CALN1: variants seen among roughly 807,000 people sequenced by gnomAD.
CALN1 encodes the protein calcium-binding protein 8.
In CALN1, 17 loss-of-function variants were observed where a neutral mutation model predicts 30.6. That is an observed-to-expected ratio of 0.56 (90% CI 0.38 to 0.83). The LOEUF (loss-of-function observed/expected upper bound fraction) is 0.83, where lower values mean the gene tolerates loss of function less well. CALN1 is among the 40% of genes least tolerant of loss of function. The probability of loss-of-function intolerance (pLI) is 0.00; values close to 1 mark genes in which losing one functional copy is unlikely to be tolerated. For synonymous variants in CALN1, 156 were observed against 131.4 expected (o/e 1.19, Z -1.28); for missense variants, 291 against 354.9 (o/e 0.82, Z 1.45).
chr7:72,054,499 A>G (rs1172696799), intron 4 of CALN1, among the ~76,000 whole-genome samples: 4 of 110,520 alleles, frequency 3.6e-5, no homozygotes, highest in Non-Finnish European at 6.4e-5. Flanking sequence ...ATACATATAT[A>G]CATATATATA....
intron 2 of CALN1, among the ~76,000 whole-genome samples, chr7:72,391,125 G>A (rs1046006618): frequency 6.6e-6 from 1 of 152,124 alleles, no homozygotes; most frequent in Non-Finnish European, 1.5e-5. Flanking sequence ...AGAGGATGGA[G>A]TAAAACAAAT....
chr7:72,116,550 G>T (rs1807996582), intron 3 of CALN1, among the ~76,000 whole-genome samples: 1 of 152,168 alleles, frequency 6.6e-6, no homozygotes, highest in African/African-American at 2.4e-5. Context: ...AGCAGGAGGG[G>T]ACTGAGCTGG....
At chr7:72,431,193 G>C (rs1412748691) in intron 1 of CALN1, among the ~76,000 whole-genome samples, 1 of 151,992 alleles carries the variant, frequency 6.6e-6, no homozygotes, top group Non-Finnish European at 1.5e-5. Flanking sequence ...GCCTCCCAAA[G>C]TGCTGGGATT....
chr7:72,437,361 A>C (rs1208166797), intron 1 of CALN1, among the ~76,000 whole-genome samples: 1 of 152,192 alleles, frequency 6.6e-6, no homozygotes, highest in Non-Finnish European at 1.5e-5. Flanking sequence ...GCTGAAATAA[A>C]GTTGACAGAT....
chr7:72,102,449 A>G (rs1251003053), intron 4 of CALN1, among the ~76,000 whole-genome samples: 2 of 152,114 alleles, frequency 1.3e-5, no homozygotes, highest in African/African-American at 4.8e-5. Context: ...ACTCTGTCGC[A>G]AATTTTAAAA....
chr7:71,900,165 C>T (rs763935740), intron 5 of CALN1, among the ~76,000 whole-genome samples: 7 of 152,066 alleles, frequency 4.6e-5, no homozygotes, highest in Non-Finnish European at 4.4e-5. Flanking sequence ...CTGAATATTA[C>T]GGCTTTTATA....
At chr7:71,852,004 T>C (rs1193541762) in intron 5 of CALN1, among the ~76,000 whole-genome samples, 1 of 152,146 alleles carries the variant, frequency 6.6e-6, no homozygotes, top group Non-Finnish European at 1.5e-5. Flanking sequence ...GCAGAGTCTA[T>C]GGACCACACA....
intron 2 of CALN1, among the ~76,000 whole-genome samples, chr7:72,315,663 C>T (rs1263761963): frequency 6.6e-6 from 1 of 151,626 alleles, no homozygotes; most frequent in Non-Finnish European, 1.5e-5. Flanking sequence ...CATGACCATA[C>T]CACTGTATTC....
chr7:72,347,242 T>C (rs1802694181), intron 2 of CALN1, among the ~76,000 whole-genome samples: 1 of 151,538 alleles, frequency 6.6e-6, no homozygotes, highest in Non-Finnish European at 1.5e-5. Context: ...TTTTCTTTTT[T>C]TTTTTCCTTT....
intron 5 of CALN1, among the ~76,000 whole-genome samples, chr7:71,949,506 T>C (rs1239440168): frequency 1.3e-5 from 2 of 150,100 alleles, no homozygotes; most frequent in Non-Finnish European, 3.0e-5. Context: ...CTCAGCCTCC[T>C]GAGTAGCTGG....
At chr7:72,263,877 T>C (rs1438448726) in intron 3 of CALN1, among the ~76,000 whole-genome samples, 1 of 151,976 alleles carries the variant, frequency 6.6e-6, no homozygotes, top group Non-Finnish European at 1.5e-5. Flanking sequence ...TGAAACAAAT[T>C]CCCCCCAAAT....
At chr7:72,114,026 G>C (rs1313602633) in intron 3 of CALN1, among the ~76,000 whole-genome samples, 2 of 151,722 alleles carry the variant, frequency 1.3e-5, no homozygotes, top group East Asian at 4.0e-4. Flanking sequence ...TTCAGAGATA[G>C]AGTGGATGGT....
intron 5 of CALN1, among the ~76,000 whole-genome samples, chr7:71,924,979 G>A (rs976080744): frequency 2.6e-5 from 4 of 152,120 alleles, no homozygotes; most frequent in East Asian, 1.9e-4. Flanking sequence ...AGTGGCTCAC[G>A]CCTTTAATCC....
chr7:72,163,016 T>C (rs111979727), intron 3 of CALN1, among the ~76,000 whole-genome samples: 24 of 152,310 alleles, frequency 1.6e-4, no homozygotes, highest in African/African-American at 5.3e-4. Flanking sequence ...GGGGACAGAA[T>C]TGCCAGAATG....
intron 2 of CALN1, among the ~76,000 whole-genome samples, chr7:72,285,924 T>TA (rs982382966): frequency 1.3e-5 from 2 of 152,270 alleles, no homozygotes; most frequent in South Asian, 4.1e-4. Flanking sequence ...TCTTGCATGC[T>TA]AAAGGTTAAA....
intron 5 of CALN1, among the ~76,000 whole-genome samples, chr7:72,018,998 AG>A (rs1279501147): frequency 3.5e-5 from 5 of 141,230 alleles, no homozygotes; most frequent in Non-Finnish European, 7.4e-5. Context: ...CACCATATCC[AG>A]CTAATTTTTT....
At chr7:72,176,499 G>A (rs889803478) in intron 3 of CALN1, among the ~76,000 whole-genome samples, 4 of 151,992 alleles carry the variant, frequency 2.6e-5, no homozygotes, top group Non-Finnish European at 4.4e-5. Flanking sequence ...ATGAGATCTG[G>A]TTATTAAAAA....
chr7:72,495,504 C>G, the CALN1 span, among the ~76,000 whole-genome samples: 130 of 152,348 alleles, frequency 8.5e-4, no homozygotes, highest in African/African-American at 3.1e-3. Flanking sequence ...GTCTTTGTCC[C>G]AAGAACTCAT....
intron 5 of CALN1, among the ~76,000 whole-genome samples, chr7:71,897,567 A>G (rs1396161883): frequency 6.6e-6 from 1 of 152,170 alleles, no homozygotes; most frequent in Non-Finnish European, 1.5e-5. Flanking sequence ...GACTGCTCAG[A>G]TTAAATATGC....
Sources: allele counts gnomAD v4.1 joint callset (sites outside exome capture counted in the v4.1 genomes callset), GRCh38; gene constraint gnomAD v4.1.1; transcripts MANE v1.5; gene names NCBI Gene and HGNC (gene_info 2026-07-23, HGNC 2026-07-21).